The following RMST variants were observed in gnomAD, a reference collection of about 807,000 sequenced individuals.
RMST encodes the protein rhabdomyosarcoma 2 associated transcript.
Position 97,556,348 on chromosome 12 carries a change from G to T in RMST, n.1546-4189G>T, listed in dbSNP as rs374566193. Among the ~76,000 whole-genome samples the T allele has an allele frequency of 1.2e-4, 19 of 152,272 alleles. No homozygotes were observed. The East Asian group carries it at 2.5e-3, about 20-fold the overall frequency. ...GCAGCAGACATACTCCCCTAGAAAGGAAGGGAGTCAGCCAAGTGTGACGTG... is the reference window on the plus strand; with the variant it reads ...GCAGCAGACATACTCCCCTAGAAAGTAAGGGAGTCAGCCAAGTGTGACGTG... On this transcript the variant is annotated intron_variant and non_coding_transcript_variant, in intron 11 of 13. Coordinates refer to ENST00000640149, the Ensembl canonical transcript of RMST.
At chr12:97,471,262 G>T (rs1873878955) in intron 5 of RMST, among the ~76,000 whole-genome samples, 1 of 152,064 alleles carries the variant, frequency 6.6e-6, no homozygotes, top group Admixed American at 6.6e-5. Context: ...TAATATATGT[G>T]TAGCGTGTGT....
At chr12:97,479,947 A>C (rs11109058) in intron 5 of RMST, among the ~76,000 whole-genome samples, 21,462 of 151,968 alleles carry the variant, frequency 0.14, 3,398 homozygotes, top group African/African-American at 0.38. Flanking sequence ...TTTCTGTCTC[A>C]TTTTGTGGCA....
intron 11 of RMST, among the ~76,000 whole-genome samples, chr12:97,540,655 A>G (rs554604139): frequency 1.1e-4 from 17 of 151,790 alleles, no homozygotes; most frequent in Middle Eastern, 3.4e-3. Flanking sequence ...TAGTTTACCC[A>G]TTTGGAAAGA....
chr12:97,508,603 G>A (rs1268688311), intron 10 of RMST, among the ~76,000 whole-genome samples: 3 of 152,232 alleles, frequency 2.0e-5, no homozygotes, highest in Non-Finnish European at 2.9e-5. Flanking sequence ...GAGATGCTAA[G>A]TTAAGACTGG....
intron 10 of RMST, among the ~76,000 whole-genome samples, chr12:97,520,667 C>A (rs1229306096): frequency 2.0e-5 from 3 of 152,074 alleles, no homozygotes; most frequent in Non-Finnish European, 2.9e-5. Flanking sequence ...AATTCTCTTG[C>A]TTTATAAGGG....
intron 5 of RMST, among the ~76,000 whole-genome samples, chr12:97,473,252 A>C (rs1249864027): frequency 6.6e-6 from 1 of 152,194 alleles, no homozygotes; most frequent in Non-Finnish European, 1.5e-5. Flanking sequence ...CAGCAAAAAC[A>C]TAAGGCTTTC....
rs958939674 is a variant in RMST at position 97,552,530 on chromosome 12, G to A, written n.1546-8007G>A. Among the ~76,000 whole-genome samples the A allele has an allele frequency of 5.3e-5, 8 of 152,180 alleles. No individual in the cohort carries two copies. The South Asian group carries it at 1.7e-3, about 32-fold the overall frequency. On this transcript the variant is annotated intron_variant and non_coding_transcript_variant, in intron 11 of 13. Transcript: ENST00000640149. ...AAAGCCCTTCAGGGGTACAAATAAAGGGCATCATTTCACCCTCTACTGTGT... is the reference window on the plus strand; with the variant it reads ...AAAGCCCTTCAGGGGTACAAATAAAAGGCATCATTTCACCCTCTACTGTGT...
chr12:97,563,523 C>A (rs1027731622), intron 13 of RMST: 5 of 298,760 alleles, frequency 1.7e-5, no homozygotes, highest in Non-Finnish European at 3.2e-5. Context: ...TTTCCAAGTT[C>A]AATGTCAAAG....
chr12:97,529,930 A>G (rs1034167813), intron 10 of RMST, among the ~76,000 whole-genome samples: 4 of 152,114 alleles, frequency 2.6e-5, no homozygotes, highest in Non-Finnish European at 4.4e-5. Flanking sequence ...TTTAGCTGAC[A>G]TGCCTAAATT....
chr12:97,559,966 T>G (rs1884004563), intron 11 of RMST, among the ~76,000 whole-genome samples: 1 of 152,190 alleles, frequency 6.6e-6, no homozygotes, highest in South Asian at 2.1e-4. Flanking sequence ...GTAAATCCTT[T>G]TTATCTTAAC....
intron 10 of RMST, chr12:97,530,453 G>T (rs1318960592): frequency 1.3e-5 from 2 of 151,994 alleles, no homozygotes; most frequent in Admixed American, 1.3e-4. Context: ...AGCTGGTGAC[G>T]CATGTCTTCC....
chr12:97,475,025 A>C (rs1874379159), intron 5 of RMST, among the ~76,000 whole-genome samples: 1 of 152,156 alleles, frequency 6.6e-6, no homozygotes, highest in Non-Finnish European at 1.5e-5. Flanking sequence ...GTTGCTTCCG[A>C]AAACAAATAC....
chr12:97,512,262 G>A (rs1043311930), intron 10 of RMST, among the ~76,000 whole-genome samples: 2 of 152,216 alleles, frequency 1.3e-5, no homozygotes, highest in Non-Finnish European at 2.9e-5. Flanking sequence ...TGAAGCTGCA[G>A]ACCTTTGTGG....
chr12:97,494,553 A>G (rs1877202820), intron 8 of RMST: 1 of 152,178 alleles, frequency 6.6e-6, no homozygotes, highest in Non-Finnish European at 1.5e-5. Context: ...CGCTATAAAT[A>G]AAATGACATT....
intron 10 of RMST, among the ~76,000 whole-genome samples, chr12:97,523,724 A>G (rs1055483707): frequency 1.3e-5 from 2 of 151,874 alleles, no homozygotes; most frequent in Non-Finnish European, 2.9e-5. Context: ...ATCTTATCTC[A>G]TGACTGAGAA....
chr12:97,524,949 A>G (rs1565931522), intron 10 of RMST, among the ~76,000 whole-genome samples: 1 of 152,180 alleles, frequency 6.6e-6, no homozygotes. Context: ...ATCACAATTT[A>G]TTGTGTATTA....
rs965932517 is a variant in RMST at position 97,524,001 on chromosome 12, G to C, written n.1341-6654G>C. Among the ~76,000 whole-genome samples, 7 of 147,008 alleles carry C rather than the reference G, an allele frequency of 4.8e-5. No individual in the cohort carries two copies. The East Asian group carries it at 1.2e-3, about 25-fold the overall frequency. Reference sequence around the variant, plus strand: ...TGAAGCGGGAGAATGGCGTGACCCCGGGAGGCGGAGCTTGCAGTGAGCCGA... The same window carrying C: ...TGAAGCGGGAGAATGGCGTGACCCCCGGAGGCGGAGCTTGCAGTGAGCCGA... On this transcript the variant is annotated intron_variant and non_coding_transcript_variant, in intron 10 of 13. Coordinates refer to ENST00000640149, the Ensembl canonical transcript of RMST.
At chr12:97,493,135 T>G (rs1877039070) in intron 6 of RMST, 1 of 152,642 alleles carries the variant, frequency 6.6e-6, no homozygotes, top group Non-Finnish European at 1.5e-5. Context: ...TATGCTTAAT[T>G]CATTCAGAAA....
intron 11 of RMST, among the ~76,000 whole-genome samples, chr12:97,531,083 A>T (rs1215512904): frequency 6.6e-6 from 1 of 151,880 alleles, no homozygotes; most frequent in Non-Finnish European, 1.5e-5. Flanking sequence ...TGGAATATAA[A>T]GCAATATTTT....
Sources: allele counts gnomAD v4.1 joint callset (sites outside exome capture counted in the v4.1 genomes callset), GRCh38; gene constraint gnomAD v4.1.1; transcripts MANE v1.5; gene names NCBI Gene and HGNC (gene_info 2026-07-23, HGNC 2026-07-21).